KCTD1: variants seen among roughly 807,000 people sequenced by gnomAD.
KCTD1 encodes the protein potassium channel tetramerization domain containing 1, also known as BTB/POZ domain-containing protein KCTD1.
In KCTD1, 24 loss-of-function variants were observed where a neutral mutation model predicts 66.0. That is an observed-to-expected ratio of 0.36 (90% CI 0.26 to 0.51). The LOEUF (loss-of-function observed/expected upper bound fraction) is 0.51, where lower values mean the gene tolerates loss of function less well. KCTD1 is among the 20% of genes least tolerant of loss of function. KCTD1 has a pLI of 0.95. For synonymous variants in KCTD1, 511 were observed against 517.2 expected, an observed-to-expected ratio of 0.99 and a Z score of 0.16; for missense variants, 943 against 1,205.2, an observed-to-expected ratio of 0.78 and a Z score of 3.22.
chr18:26,568,892 C>A (rs891881379), intron 1 of KCTD1, among the ~76,000 whole-genome samples: 3 of 152,062 alleles, frequency 2.0e-5, no homozygotes, highest in African/African-American at 7.2e-5. Flanking sequence ...AATATATTTT[C>A]TTTGGGAAAA....
At chr18:26,480,061 T>C (rs1247417225) in intron 2 of KCTD1, among the ~76,000 whole-genome samples, 2 of 143,174 alleles carry the variant, frequency 1.4e-5, no homozygotes, top group African/African-American at 2.5e-5. Flanking sequence ...TTTTTTTTTT[T>C]CACTCATTGA....
chr18:26,588,644 C>G (rs1391069407), intron 1 of KCTD1, among the ~76,000 whole-genome samples: 2 of 152,094 alleles, frequency 1.3e-5, no homozygotes, highest in South Asian at 2.1e-4. Flanking sequence ...GCCCAGAAAG[C>G]ATTTCTTGGA....
chr18:26,578,057 C>CTTTTTTT (rs11381611), intron 1 of KCTD1, among the ~76,000 whole-genome samples: 15 of 117,034 alleles, frequency 1.3e-4, no homozygotes, highest in South Asian at 2.8e-4. Context: ...TCTTTTCTTT[C>CTTTTTTT]TTTTTTTTTT....
chr18:26,627,144 A>G (rs373442073), intron 1 of KCTD1, among the ~76,000 whole-genome samples: 11 of 152,232 alleles, frequency 7.2e-5, no homozygotes, highest in African/African-American at 2.6e-4. Flanking sequence ...TTGCACCTGG[A>G]AACTGGAAAT....
At chr18:26,631,476 G>GTAA (rs78761376), upstream of KCTD1, among the ~76,000 whole-genome samples, 19,731 of 152,074 alleles carry the variant, frequency 0.13, 1,409 homozygotes, top group Non-Finnish European at 0.15. Context: ...ACATAGAAAA[G>GTAA]GTACAGTAAA....
rs908137231 is a variant in KCTD1, at chr18:26,476,576, A to G, written c.2072T>C (p.Met691Thr). 6.2e-7 allele frequency: 1 copy of G among 1,613,738 alleles called. No individual in the cohort carries two copies. Among genetic ancestry groups the G allele is most frequent in the East Asian group, 2.2e-5 (1 of 44,878 alleles). Residue 691 changes from methionine to threonine, a missense_variant, in exon 3 of 5, where the codon ATG (methionine) becomes ACG (threonine). Met to Thr is a moderately conservative substitution (Grantham distance 81, BLOSUM62 -1). Around this residue, in one of 10 missense-constraint regions of KCTD1, gnomAD observed 162 missense variants for 232.4 expected, o/e 0.70. Transcript: ENST00000580059. This position sits in a 1 kb window ranked among gnomAD's most constrained non-coding sequence, Gnocchi z 4.9. ...QHYFIDRDGQ[M>T]FRYILNFLRT... ...TAGAAAATTCAAGATATATCTGAAC[A>G]TCTGTCCATCTCTGTCAATGAAATA...
At chr18:26,651,110 G>GT (rs374076190) in intron 1 of KCTD1, among the ~76,000 whole-genome samples, 8 of 151,976 alleles carry the variant, frequency 5.3e-5, no homozygotes, top group South Asian at 2.1e-4. Context: ...CACTGTTTTT[G>GT]TTTTTTTTCT....
intron 1 of KCTD1, among the ~76,000 whole-genome samples, chr18:26,596,941 C>T (rs1178553871): frequency 1.3e-5 from 2 of 152,048 alleles, no homozygotes; most frequent in Non-Finnish European, 1.5e-5. Context: ...TTCCTCTTTC[C>T]CATCCACTTT....
chr18:26,563,046 C>A (rs1218480471), intron 1 of KCTD1, among the ~76,000 whole-genome samples: 1 of 152,320 alleles, frequency 6.6e-6, no homozygotes, highest in Middle Eastern at 3.4e-3. Flanking sequence ...GCAATGCACC[C>A]GAGCTAGGAA....
chr18:26,620,696 A>G (rs1482397272), intron 1 of KCTD1, among the ~76,000 whole-genome samples: 1 of 152,144 alleles, frequency 6.6e-6, no homozygotes, highest in Non-Finnish European at 1.5e-5. Flanking sequence ...CCGGCCTCCC[A>G]AAGTGCTGGG....
At chr18:26,644,571 C>G (rs918557001), upstream of KCTD1, among the ~76,000 whole-genome samples, 1 of 151,950 alleles carries the variant, frequency 6.6e-6, no homozygotes, top group African/African-American at 2.4e-5. Context: ...CCAGCCTGGC[C>G]AAATGGTGAA....
chr18:26,558,860 T>C (rs1173305436), intron 1 of KCTD1, among the ~76,000 whole-genome samples: 1 of 150,684 alleles, frequency 6.6e-6, no homozygotes, highest in Non-Finnish European at 1.5e-5. Context: ...GAGGTGGAGG[T>C]TGCAGTGAGC....
In KCTD1 at chr18:26,604,551, A is replaced by T. The variant is rs574934429; in HGVS notation, c.-16+24596T>A. Among the ~76,000 whole-genome samples, 43 of 152,386 alleles carry T rather than the reference A, an allele frequency of 2.8e-4. No individual in the cohort carries two copies. The East Asian group carries it at 3.3e-3, about 12-fold the overall frequency. The stretch of plus-strand genomic sequence containing the variant: ...ATGTGGTACATATACACCATGGAAT[A>T]CTATGCAGCCATAAAAAATGAGATC... On this transcript the variant is annotated intron_variant, in intron 1 of 4. Transcript: ENST00000317932.
intron 1 of KCTD1, among the ~76,000 whole-genome samples, chr18:26,531,988 AT>A (rs1406770005): frequency 6.6e-6 from 1 of 152,190 alleles, no homozygotes; most frequent in African/African-American, 2.4e-5. Flanking sequence ...GAAAGGCCTG[AT>A]TTCTTGACAG....
intron 1 of KCTD1, among the ~76,000 whole-genome samples, chr18:26,621,359 T>C (rs1987379928): frequency 6.6e-6 from 1 of 152,076 alleles, no homozygotes; most frequent in South Asian, 2.1e-4. Context: ...TACCTGATGG[T>C]GCACGTTTCC....
chr18:26,459,507 G>C (rs1980286599), intron 4 of KCTD1, 113 bp downstream of exon 4: 1 of 989,848 alleles, frequency 1.0e-6, no homozygotes, highest in African/African-American at 1.6e-5. Flanking sequence ...CAACAGAAGT[G>C]TCACTGAGTG....
At chr18:26,493,545 T>C (rs1473460901) in intron 2 of KCTD1, among the ~76,000 whole-genome samples, 1 of 152,280 alleles carries the variant, frequency 6.6e-6, no homozygotes, top group South Asian at 2.1e-4. Context: ...TCCATCTAGA[T>C]GTTCTTTTGC....
chr18:26,641,928 A>T (rs1313973782), upstream of KCTD1, among the ~76,000 whole-genome samples: 2 of 152,164 alleles, frequency 1.3e-5, no homozygotes, highest in African/African-American at 2.4e-5. Context: ...ATGTATATTT[A>T]TATGATGAGG....
At chr18:26,499,934 G>C (rs1025769846) in intron 2 of KCTD1, among the ~76,000 whole-genome samples, 3 of 152,202 alleles carry the variant, frequency 2.0e-5, no homozygotes, top group African/African-American at 7.2e-5. Context: ...GCAGAGCCAG[G>C]AGGGTTGTCC....
Sources: gnomAD v4.1 joint callset for allele counts (sites outside exome capture counted in the v4.1 genomes callset) on GRCh38, gnomAD v4.1.1 for gene constraint, gnomAD v4.1.1 regional missense constraint, Gnocchi (gnomAD v3.1) non-coding constraint, MANE v1.5 for transcripts, NCBI Gene and HGNC (gene_info 2026-07-23, HGNC 2026-07-21) for gene names.